ELP4: variants seen among roughly 807,000 people sequenced by gnomAD.
ELP4 encodes elongator complex protein 4.
Under a neutral mutation model 48.9 loss-of-function variants are expected in ELP4, and 51 were observed. The ratio of observed to expected loss-of-function variants is 1.04; its 90% CI spans 0.83 to 1.32. ELP4 has a LOEUF of 1.32. Ranked by LOEUF, ELP4 falls within the 40% of genes most tolerant of loss-of-function variation. The probability of loss-of-function intolerance (pLI) is 0.00; values close to 1 mark genes in which losing one functional copy is unlikely to be tolerated. For missense variants in ELP4, 519 were observed against 514.6 expected, an observed-to-expected ratio of 1.01 and a Z score of -0.08; for synonymous variants, 210 against 189.2, an observed-to-expected ratio of 1.11 and a Z score of -0.90.
intron 9 of ELP4, among the ~76,000 whole-genome samples, chr11:31,742,619 T>C (rs1191312204): frequency 6.6e-6 from 1 of 152,200 alleles, no homozygotes; most frequent in African/African-American, 2.4e-5. Context: ...GAAAAGAATT[T>C]TCAACCCAGA....
chr11:31,522,717 C>T (rs1956235486), intron 2 of ELP4, among the ~76,000 whole-genome samples: 1 of 152,166 alleles, frequency 6.6e-6, no homozygotes, highest in South Asian at 2.1e-4. Flanking sequence ...AGATTGCTCT[C>T]CCAAAAGGTT....
At chr11:31,736,654 A>C (rs190536329) in intron 9 of ELP4, among the ~76,000 whole-genome samples, 49 of 152,342 alleles carry the variant, frequency 3.2e-4, no homozygotes, top group African/African-American at 1.0e-3. Flanking sequence ...ACCTCATCAA[A>C]AAGTGGGCAA....
chr11:31,733,833 G>T (rs1947247145), intron 9 of ELP4, among the ~76,000 whole-genome samples: 1 of 152,002 alleles, frequency 6.6e-6, no homozygotes, highest in Admixed American at 6.5e-5. Flanking sequence ...ACAAAAAATT[G>T]AAGAGTAGGG....
intron 3 of ELP4, among the ~76,000 whole-genome samples, chr11:31,591,152 A>T (rs1957562636): frequency 6.6e-6 from 1 of 152,184 alleles, no homozygotes; most frequent in Admixed American, 6.5e-5. Context: ...CACGCCTGTA[A>T]TCCCAGCACT....
chr11:31,706,595 TTTAA>T (rs1357229980), intron 9 of ELP4, among the ~76,000 whole-genome samples: 4 of 148,088 alleles, frequency 2.7e-5, no homozygotes, highest in Non-Finnish European at 3.0e-5. Context: ...ATATATTTAA[TTTAA>T]TTAATTTTAT....
intron 1 of ELP4, among the ~76,000 whole-genome samples, chr11:31,514,081 T>C (rs1956061095): frequency 6.6e-6 from 1 of 152,212 alleles, no homozygotes; most frequent in African/African-American, 2.4e-5. Flanking sequence ...TTGTATTCTT[T>C]TGTGTACATA....
intron 5 of ELP4, among the ~76,000 whole-genome samples, chr11:31,610,017 G>T (rs1162415493): frequency 6.6e-6 from 1 of 152,106 alleles, no homozygotes; most frequent in East Asian, 1.9e-4. Context: ...CTGCACTCCA[G>T]CCTGGGCAAA....
intron 9 of ELP4, among the ~76,000 whole-genome samples, chr11:31,737,022 GT>G (rs1947335437): frequency 6.6e-6 from 1 of 152,208 alleles, no homozygotes; most frequent in Admixed American, 6.5e-5. Context: ...GCACACGTAT[GT>G]TTATTGCAGC....
At chr11:31,522,381 C>G (rs994296069) in intron 2 of ELP4, among the ~76,000 whole-genome samples, 2 of 152,142 alleles carry the variant, frequency 1.3e-5, no homozygotes, top group Non-Finnish European at 2.9e-5. Flanking sequence ...CCAAATATTG[C>G]CATGTAAGTA....
In ELP4 at chr11:31,520,079, G is replaced by T; in HGVS notation, c.247G>T (p.Val83Phe). The T allele has an allele frequency of 6.2e-7, 1 of 1,612,582 alleles. No homozygotes were observed. Among genetic ancestry groups the T allele is most frequent in the Non-Finnish European group, 8.5e-7 (1 of 1,179,452 alleles). The part of the protein sequence containing the change: ...LLGGGLAVGT[V>F]LLIEEDKYNI... Reference sequence around the variant, plus strand: ...AGGTGGAGGTTTAGCCGTTGGAACAGTTCTTCTAATTGGTTAGTACAAAAT... The same window carrying T: ...AGGTGGAGGTTTAGCCGTTGGAACATTTCTTCTAATTGGTTAGTACAAAAT... Residue 83 changes from valine (V) to phenylalanine (F), a missense_variant, in exon 2 of 10, where the codon GTT becomes TTT. Coordinates refer to ENST00000640961, the MANE Select transcript of ELP4 (RefSeq NM_019040.5).
Position 31,758,209 on chromosome 11 carries a change from C to A in ELP4, c.1144-25184C>A, listed in dbSNP as rs190307348. ...AGTTACTGAATTCAGTTTTCAACTT[C>A]TAATTTCAGAGCGTATTAACAACCA... is the stretch of plus-strand genomic sequence containing the variant. On this transcript the variant is annotated intron_variant, in intron 9 of 9. Coordinates refer to ENST00000640961, the MANE Select transcript of ELP4 (RefSeq NM_019040.5). Among the ~76,000 whole-genome samples the A allele has an allele frequency of 3.9e-5, 6 of 152,312 alleles. No homozygotes were observed. In the East Asian group the frequency reaches 1.2e-3, roughly 29 times the overall value.
intron 2 of ELP4, among the ~76,000 whole-genome samples, chr11:31,533,368 C>CTTTTTTTTCTTTTTTTTTTTTTTTTTT (rs1956434166): frequency 2.0e-5 from 1 of 50,460 alleles, no homozygotes; most frequent in Non-Finnish European, 3.3e-5. Flanking sequence ...CCATCTCATT[C>CTTTTTTTTCTTTTTTTTTTTTTTTTTT]TTTTTTTTTT....
rs139356575 is a variant in ELP4 at position 31,739,846 on chromosome 11, C to A, written c.1144-43547C>A. ...ATTTCCATTACTGGCATCAACCTTTCCATTTATTTCTTATGTACAGAACAT... is the reference window on the plus strand; with the variant it reads ...ATTTCCATTACTGGCATCAACCTTTACATTTATTTCTTATGTACAGAACAT... On this transcript the variant is annotated intron_variant, in intron 9 of 9. Transcript: ENST00000640961. 9.9e-3 allele frequency among the ~76,000 whole-genome samples: 1,508 copies of A among 152,282 alleles called. 67 individuals are homozygous for A. The highest frequency in any genetic ancestry group is 0.085 in the Admixed American group (1,298 of 15,296).
rs775672333 is a variant in ELP4, at chr11:31,598,048, C to T, written c.513+3147C>T. Among the ~76,000 whole-genome samples, 9 of 150,968 alleles carry T rather than the reference C, an allele frequency of 6.0e-5. No individual in the cohort carries two copies. In the South Asian group the frequency reaches 6.3e-4, roughly 11 times the overall value. On this transcript the variant is annotated intron_variant, in intron 4 of 9. Transcript: ENST00000640961. ...TCAGCTCACCGCAACCTCCGCCTCC[C>T]GGGTTCAAGCGATTCTCCTGCCTCA...
At chr11:31,592,822 A>G (rs187441484) in intron 3 of ELP4, among the ~76,000 whole-genome samples, 306 of 152,234 alleles carry the variant, frequency 2.0e-3, no homozygotes, top group African/African-American at 7.0e-3. Flanking sequence ...TCTTGTTTAG[A>G]TAAGTTAAAC....
At chr11:31,675,531 G>T (rs1428316482) in intron 9 of ELP4, among the ~76,000 whole-genome samples, 4 of 152,106 alleles carry the variant, frequency 2.6e-5, no homozygotes, top group Non-Finnish European at 5.9e-5. Flanking sequence ...AAAGTGCTGG[G>T]ATTACAGGTG....
intron 9 of ELP4, among the ~76,000 whole-genome samples, chr11:31,716,590 T>C (rs1158696369): frequency 1.3e-5 from 2 of 152,186 alleles, no homozygotes; most frequent in Non-Finnish European, 2.9e-5. Flanking sequence ...AGTGATCCAT[T>C]GTAGTTGACA....
intron 5 of ELP4, among the ~76,000 whole-genome samples, chr11:31,619,151 G>A (rs925011037): frequency 3.9e-5 from 6 of 151,968 alleles, no homozygotes; most frequent in Non-Finnish European, 8.8e-5. Context: ...GAGAGATAAC[G>A]ATATGTTTAT....
chr11:31,566,358 CAA>C (rs61332262), intron 3 of ELP4, among the ~76,000 whole-genome samples: 2 of 135,864 alleles, frequency 1.5e-5, no homozygotes, highest in Non-Finnish European at 1.6e-5. Flanking sequence ...ACTGCATCTC[CAA>C]AAAAAAAAAA....
Sources: gnomAD v4.1 joint callset for allele counts (sites outside exome capture counted in the v4.1 genomes callset) on GRCh38, gnomAD v4.1.1 for gene constraint, MANE v1.5 for transcripts, NCBI Gene and HGNC (gene_info 2026-07-23, HGNC 2026-07-21) for gene names.